IMMP2L: variants seen among roughly 807,000 people sequenced by gnomAD.
IMMP2L encodes inner mitochondrial membrane peptidase subunit 2, also known as mitochondrial inner membrane protease subunit 2.
IMMP2L carries 18 observed loss-of-function variants against 19.3 expected under a neutral mutation model. The observed-to-expected ratio is 0.93, with a 90% CI of 0.64 to 1.38. The LOEUF (loss-of-function observed/expected upper bound fraction) is 1.38. IMMP2L is among the 40% of genes most tolerant of loss of function. The pLI, the probability that IMMP2L is intolerant of heterozygous loss-of-function variation, is 0.00. For missense variants in IMMP2L, 233 were observed against 218.2 expected, an observed-to-expected ratio of 1.07 and a Z score of -0.43; for synonymous variants, 76 against 73.0, an observed-to-expected ratio of 1.04 and a Z score of -0.21.
chr7:111,131,700 A>G (rs994740105), intron 3 of IMMP2L, among the ~76,000 whole-genome samples: 3 of 152,102 alleles, frequency 2.0e-5, no homozygotes, highest in East Asian at 1.9e-4. Context: ...ACATAATTAC[A>G]ACCCAATTTA....
chr7:110,720,941 G>A (rs1363787057), intron 5 of IMMP2L, among the ~76,000 whole-genome samples: 1 of 152,058 alleles, frequency 6.6e-6, no homozygotes, highest in Non-Finnish European at 1.5e-5. Context: ...ACCAAGTGGT[G>A]CTTTGGGAAG....
intron 5 of IMMP2L, among the ~76,000 whole-genome samples, chr7:110,799,780 G>A (rs1342921238): frequency 6.6e-6 from 1 of 152,038 alleles, no homozygotes; most frequent in Non-Finnish European, 1.5e-5. Flanking sequence ...AAGCAGATGG[G>A]TGATTCACTG....
At chr7:110,786,966 C>T (rs1471319357) in intron 5 of IMMP2L, among the ~76,000 whole-genome samples, 2 of 151,892 alleles carry the variant, frequency 1.3e-5, no homozygotes, top group Non-Finnish European at 2.9e-5. Flanking sequence ...ACTTGGGATA[C>T]ATAGCATGAT....
chr7:110,750,573 T>A (rs1169093084), intron 5 of IMMP2L, among the ~76,000 whole-genome samples: 1 of 152,024 alleles, frequency 6.6e-6, no homozygotes, highest in African/African-American at 2.4e-5. Flanking sequence ...AAGAAAATAA[T>A]AAATTAATAG....
At chr7:110,827,454 C>T (rs1426649074) in intron 5 of IMMP2L, among the ~76,000 whole-genome samples, 2 of 152,188 alleles carry the variant, frequency 1.3e-5, no homozygotes, top group Admixed American at 6.6e-5. Context: ...CATTAGGTTG[C>T]TTCTATGAGC....
At chr7:111,176,737 T>A (rs1200833135) in intron 3 of IMMP2L, among the ~76,000 whole-genome samples, 1 of 151,912 alleles carries the variant, frequency 6.6e-6, no homozygotes, top group Non-Finnish European at 1.5e-5. Flanking sequence ...CCATCAACAA[T>A]AATTAATTGT....
intron 3 of IMMP2L, among the ~76,000 whole-genome samples, chr7:111,423,099 G>A (rs1338223128): frequency 3.3e-5 from 5 of 151,814 alleles, no homozygotes; most frequent in African/African-American, 1.2e-4. Flanking sequence ...GCTTCTTGAT[G>A]TGCTGCTGGA....
intron 2 of IMMP2L, among the ~76,000 whole-genome samples, chr7:111,500,914 G>A (rs1379820549): frequency 2.0e-5 from 3 of 152,156 alleles, no homozygotes; most frequent in Non-Finnish European, 2.9e-5. Flanking sequence ...AAAGCAGAGT[G>A]CCTCTCCTCC....
chr7:110,928,063 A>G (rs1815056845), intron 4 of IMMP2L, among the ~76,000 whole-genome samples: 1 of 152,004 alleles, frequency 6.6e-6, no homozygotes, highest in South Asian at 2.1e-4. Context: ...AAGATTAGCT[A>G]AAACAATATA....
chr7:111,205,832 G>T (rs945683396), intron 3 of IMMP2L, among the ~76,000 whole-genome samples: 1 of 152,080 alleles, frequency 6.6e-6, no homozygotes, highest in Non-Finnish European at 1.5e-5. Flanking sequence ...GATGAGGGGG[G>T]CCTTATTTGA....
rs181143919 is a variant in IMMP2L at position 111,499,635 on chromosome 7, A to G, written c.136-12294T>C. On this transcript the variant is annotated intron_variant, in intron 2 of 5. Transcript: ENST00000405709. ...TTAAAAAGCAATGAAAAAAGCATAG[A>G]AGTCACTTGTCCATAGAAAGCTTAA... Among the ~76,000 whole-genome samples, 70 of 152,300 alleles carry G rather than the reference A, an allele frequency of 4.6e-4. 1 individual carries two copies. Among genetic ancestry groups the G allele is most frequent in the African/African-American group, 1.5e-3 (61 of 41,588 alleles).
At chr7:111,051,587 G>C (rs927576785) in intron 3 of IMMP2L, among the ~76,000 whole-genome samples, 2 of 152,114 alleles carry the variant, frequency 1.3e-5, no homozygotes, top group Non-Finnish European at 2.9e-5. Flanking sequence ...TTTCGTATTT[G>C]AAAATCTCCT....
chr7:110,912,729 T>C (rs1366562236), intron 4 of IMMP2L, among the ~76,000 whole-genome samples: 2 of 152,068 alleles, frequency 1.3e-5, no homozygotes, highest in African/African-American at 4.8e-5. Flanking sequence ...TTTGACTAAA[T>C]GCCAGTGGCT....
intron 3 of IMMP2L, among the ~76,000 whole-genome samples, chr7:111,171,860 T>C (rs1451857141): frequency 1.3e-5 from 2 of 150,736 alleles, no homozygotes; most frequent in South Asian, 2.1e-4. Flanking sequence ...AGATGTATAA[T>C]AGGTAAAAAA....
At chr7:111,182,945 A>G (rs190552503) in intron 3 of IMMP2L, among the ~76,000 whole-genome samples, 26 of 152,166 alleles carry the variant, frequency 1.7e-4, no homozygotes, top group South Asian at 1.2e-3. Context: ...TTACAGACAT[A>G]GACTGGCAGT....
At chr7:111,440,469 G>A (rs985182210) in intron 3 of IMMP2L, among the ~76,000 whole-genome samples, 22 of 151,912 alleles carry the variant, frequency 1.4e-4, no homozygotes, top group Admixed American at 8.5e-4. Context: ...TTATCAATGA[G>A]CAGTAATATT....
chr7:111,560,282 A>G (rs1791883457), intron 1 of IMMP2L, among the ~76,000 whole-genome samples: 1 of 152,174 alleles, frequency 6.6e-6, no homozygotes, highest in South Asian at 2.1e-4. Context: ...AAGACAAAGA[A>G]CTATTCTAGC....
At chr7:110,731,782 T>C (rs1007585119) in intron 5 of IMMP2L, among the ~76,000 whole-genome samples, 6 of 152,234 alleles carry the variant, frequency 3.9e-5, no homozygotes, top group African/African-American at 1.2e-4. Flanking sequence ...GTTTTCTCCG[T>C]TGACTTCAGG....
intron 5 of IMMP2L, among the ~76,000 whole-genome samples, chr7:110,831,616 C>T (rs576456670): frequency 2.6e-5 from 4 of 152,106 alleles, no homozygotes; most frequent in Admixed American, 6.5e-5. Context: ...AAATGAAAAC[C>T]GAAATGGAAA....
Sources: allele counts gnomAD v4.1 joint callset (sites outside exome capture counted in the v4.1 genomes callset), GRCh38; gene constraint gnomAD v4.1.1; transcripts MANE v1.5; gene names NCBI Gene and HGNC (gene_info 2026-07-23, HGNC 2026-07-21).